C8orf34: variants seen among roughly 807,000 people sequenced by gnomAD.
The protein encoded by C8orf34 is uncharacterized protein C8orf34.
In C8orf34, 65 loss-of-function variants were observed where a neutral mutation model predicts 68.3. That is an observed-to-expected ratio of 0.95 (90% CI 0.78 to 1.17). C8orf34 has a LOEUF of 1.17. Among genes scored for constraint, C8orf34 ranks in the 50% most tolerant of loss-of-function variants. The pLI is 0.00. For missense variants in C8orf34, 664 were observed against 655.4 expected (o/e 1.01, Z -0.14); for synonymous variants, 244 against 241.2 (o/e 1.01, Z -0.11).
chr8:68,654,557 T>C (rs910654677), intron 8 of C8orf34, among the ~76,000 whole-genome samples: 4 of 152,190 alleles, frequency 2.6e-5, no homozygotes, highest in Non-Finnish European at 5.9e-5. Flanking sequence ...ATCTTCAAAA[T>C]TTATAATTTT....
chr8:68,361,003 C>T (rs866755266), intron 1 of C8orf34, among the ~76,000 whole-genome samples: 6 of 152,186 alleles, frequency 3.9e-5, no homozygotes, highest in Non-Finnish European at 5.9e-5. Context: ...CATCCACCCA[C>T]CTTGGCCTCT....
In C8orf34 at chr8:68,787,432, T is replaced by C; in HGVS notation, c.1456-11T>C. 1 of 1,598,988 alleles carries C rather than the reference T, an allele frequency of 6.3e-7. No homozygotes were observed. Among genetic ancestry groups the C allele is most frequent in the Non-Finnish European group, 8.6e-7 (1 of 1,169,182 alleles). On this transcript the variant is annotated splice_polypyrimidine_tract_variant and intron_variant, in intron 11 of 13. Transcript: ENST00000518698. ...CAGAGTTTAATCTAAAATAAATGTG[T>C]TCTTTTGCAGGATGAATCCTTAAAG...
In C8orf34 at chr8:68,624,920, T is replaced by G. The variant is rs868141283; in HGVS notation, c.1106-15456T>G. On this transcript the variant is annotated intron_variant, in intron 7 of 13. Coordinates refer to ENST00000518698, the MANE Select transcript of C8orf34 (RefSeq NM_052958.4). ...TCAGCTAATTTCTTGCTTTTTTTTT[T>G]TTTGTGTAGCTGGTATTTACTACAT... is the stretch of plus-strand genomic sequence containing the variant. Among the ~76,000 whole-genome samples, 580 of 151,692 alleles carry G rather than the reference T, an allele frequency of 3.8e-3. 3 individuals are homozygous for G. Among genetic ancestry groups the G allele is most frequent in the African/African-American group, 0.013 (539 of 41,286 alleles).
At chr8:68,415,407 G>A (rs1199593765) in intron 1 of C8orf34, among the ~76,000 whole-genome samples, 1 of 152,066 alleles carries the variant, frequency 6.6e-6, no homozygotes, top group Non-Finnish European at 1.5e-5. Flanking sequence ...TTGAACCCAG[G>A]AGGCAGAAGT....
chr8:68,718,876 T>C (rs1056812468), intron 9 of C8orf34, among the ~76,000 whole-genome samples: 1 of 152,204 alleles, frequency 6.6e-6, no homozygotes, highest in Non-Finnish European at 1.5e-5. Context: ...TTACTTTATC[T>C]TTCCATGCTT....
At chr8:68,767,362 C>T (rs1823210106) in intron 10 of C8orf34, among the ~76,000 whole-genome samples, 2 of 152,086 alleles carry the variant, frequency 1.3e-5, no homozygotes, top group Non-Finnish European at 1.5e-5. Flanking sequence ...ATTCATTGTC[C>T]CCCAAAGTTA....
At chr8:68,379,344 T>G (rs889359751) in intron 1 of C8orf34, among the ~76,000 whole-genome samples, 5 of 152,242 alleles carry the variant, frequency 3.3e-5, no homozygotes, top group Non-Finnish European at 5.9e-5. Context: ...TCAGGCCGTC[T>G]TCTGAACAAA....
intron 3 of C8orf34, among the ~76,000 whole-genome samples, chr8:68,466,168 A>C (rs1424590788): frequency 6.6e-6 from 1 of 152,060 alleles, no homozygotes; most frequent in African/African-American, 2.4e-5. Context: ...GTGGGAGCCA[A>C]TAAAACTAAT....
chr8:68,567,577 CTTTTTTTTTTTTTTTTTTTT>C (rs1160845483), intron 7 of C8orf34, among the ~76,000 whole-genome samples: 2 of 29,792 alleles, frequency 6.7e-5, no homozygotes, highest in Admixed American at 6.4e-4. Context: ...TTTCATTTAT[CTTTTTTTTTTTTTTTTTTTT>C]TTTTTTTTTT....
At chr8:68,434,201 T>A (rs900991824) in intron 1 of C8orf34, among the ~76,000 whole-genome samples, 1 of 152,222 alleles carries the variant, frequency 6.6e-6, no homozygotes, top group African/African-American at 2.4e-5. Flanking sequence ...TAGGTATTCA[T>A]GTGCCGTGGT....
intron 10 of C8orf34, among the ~76,000 whole-genome samples, chr8:68,747,181 A>G (rs1396890472): frequency 6.6e-6 from 1 of 152,116 alleles, no homozygotes; most frequent in Non-Finnish European, 1.5e-5. Context: ...ACAAAATTCA[A>G]CAACACTTCA....
intron 10 of C8orf34, among the ~76,000 whole-genome samples, chr8:68,765,064 C>T (rs1209716517): frequency 2.0e-5 from 3 of 151,924 alleles, no homozygotes; most frequent in African/African-American, 7.3e-5. Context: ...GTTGTTTTTT[C>T]CTGCCTTTCA....
At chr8:68,421,217 T>C (rs972170186) in intron 1 of C8orf34, among the ~76,000 whole-genome samples, 2 of 152,294 alleles carry the variant, frequency 1.3e-5, no homozygotes, top group Non-Finnish European at 2.9e-5. Flanking sequence ...ACGAAAGACC[T>C]TGGGCATTAT....
chr8:68,607,835 G>A (rs1303889613), intron 7 of C8orf34, among the ~76,000 whole-genome samples: 3 of 152,094 alleles, frequency 2.0e-5, no homozygotes, highest in African/African-American at 7.2e-5. Context: ...GCATATGTGT[G>A]TAGTCTTGAT....
chr8:68,331,113 C>A lies in C8orf34; in HGVS notation c.101C>A (p.Thr34Asn). The A allele has an allele frequency of 6.6e-7, 1 of 1,507,732 alleles. No individual in the cohort carries two copies. The highest frequency in any genetic ancestry group is 8.8e-7 in the Non-Finnish European group (1 of 1,134,930). 93.4% of individuals were successfully genotyped at this position (1,507,732 alleles called of 1,614,324 possible). A position where few individuals can be genotyped will look rare whatever the true frequency, so the allele number is the denominator to read the frequency against. Residue 34 changes from threonine (T) to asparagine (N), a missense_variant, in exon 1 of 14, where the codon ACC becomes AAC. Coordinates refer to ENST00000518698, the MANE Select transcript of C8orf34 (RefSeq NM_052958.4). ...PHARVAPRAA[T>N]HARGRGRASH... The stretch of plus-strand genomic sequence containing the variant: ...GCGCGCGTGGCTCCCCGGGCTGCCA[C>A]CCACGCCCGCGGCCGGGGCCGAGCC...
At chr8:68,738,645 T>A (rs1822189161) in intron 10 of C8orf34, among the ~76,000 whole-genome samples, 1 of 151,966 alleles carries the variant, frequency 6.6e-6, no homozygotes, top group Admixed American at 6.6e-5. Context: ...CATCAGATAA[T>A]AATATAAGCA....
At chr8:68,798,229 C>T (rs1824234142) in intron 12 of C8orf34, among the ~76,000 whole-genome samples, 1 of 151,178 alleles carries the variant, frequency 6.6e-6, no homozygotes, top group African/African-American at 2.4e-5. Context: ...AGCTCAAGTG[C>T]TCCTCCTGCC....
At chr8:68,717,392 C>T (rs1442256738) in intron 9 of C8orf34, among the ~76,000 whole-genome samples, 1 of 151,636 alleles carries the variant, frequency 6.6e-6, no homozygotes, top group African/African-American at 2.4e-5. Flanking sequence ...ACTCGGGAGG[C>T]TGAGGCAGGA....
At chr8:68,354,796 A>G (rs1488582334) in intron 1 of C8orf34, among the ~76,000 whole-genome samples, 1 of 152,072 alleles carries the variant, frequency 6.6e-6, no homozygotes. Flanking sequence ...TAGATCGTAA[A>G]GTCTTGAGGG....
Sources: allele counts gnomAD v4.1 joint callset (sites outside exome capture counted in the v4.1 genomes callset), GRCh38; gene constraint gnomAD v4.1.1; transcripts MANE v1.5; gene names NCBI Gene and HGNC (gene_info 2026-07-23, HGNC 2026-07-21).